The following NELL1 variants were observed in gnomAD, a reference collection of about 807,000 sequenced individuals.
The protein encoded by NELL1 is protein kinase C-binding protein NELL1.
In NELL1, 76 loss-of-function variants were observed where a neutral mutation model predicts 107.4. The ratio of observed to expected loss-of-function variants is 0.71; its 90% confidence interval spans 0.59 to 0.86. The LOEUF (loss-of-function observed/expected upper bound fraction) is 0.86. Among genes scored for constraint, NELL1 ranks in the 40% least tolerant of loss-of-function variants. NELL1 has a pLI of 0.00. For missense variants in NELL1, 1,024 were observed against 1,005.5 expected (o/e 1.02, Z -0.25); for synonymous variants, 353 against 341.2 (o/e 1.03, Z -0.38).
At position 20,847,673 on chromosome 11, in the gene NELL1, C is replaced by A. The variant is rs1848723986; in HGVS notation, c.426C>A (p.Tyr142Ter). 1 of 1,613,814 alleles carries A rather than the reference C, an allele frequency of 6.2e-7. No homozygotes were observed. The highest frequency in any genetic ancestry group is 1.1e-5 in the South Asian group (1 of 91,048). Residue 142 changes from tyrosine to a stop codon, truncating the protein, a stop_gained, in exon 4 of 20, where the codon TAC (tyrosine) becomes TAA (stop). Coordinates refer to ENST00000357134, the MANE Select transcript of NELL1 (RefSeq NM_006157.5). LOFTEE classifies it high-confidence loss of function. ...NGKPRTEALP[Y>*]RMADGQWHKV... ...AGCCAAGGACAGAGGCACTTCCTTA[C>A]CGCATGGCAGATGGACAATGGCACA... is the stretch of plus-strand genomic sequence containing the variant.
At chr11:21,305,160 A>G (rs1178111856) in intron 14 of NELL1, among the ~76,000 whole-genome samples, 1 of 152,002 alleles carries the variant, frequency 6.6e-6, no homozygotes, top group African/African-American at 2.4e-5. Flanking sequence ...TTGAGGCTTA[A>G]TTGTATTTGA....
At chr11:21,288,024 A>AAGAAAAAATAAG (rs1307012760) in intron 14 of NELL1, among the ~76,000 whole-genome samples, 3 of 151,826 alleles carry the variant, frequency 2.0e-5, no homozygotes, top group South Asian at 2.1e-4. Context: ...GAAGGAAAGA[A>AAGAAAAAATAAG]GGAAGGAAAG....
rs140675246 is a variant in NELL1 at position 21,081,003 on chromosome 11, A to G, written c.1301-32586A>G. Among the ~76,000 whole-genome samples the G allele has an allele frequency of 2.8e-3, 433 of 151,942 alleles. 1 individual carries two copies. The highest frequency in any genetic ancestry group is 9.9e-3 in the African/African-American group (409 of 41,474). The stretch of plus-strand genomic sequence containing the variant: ...AACAGGATCTTGCTCTGTCACCCAC[A>G]TCCTCCTCCCATCCATATGACCTTT... On this transcript the variant is annotated intron_variant, in intron 12 of 19. Transcript: ENST00000357134.
In NELL1 at chr11:21,570,836, G is replaced by A. The variant is rs146769656; in HGVS notation, c.2053G>A (p.Glu685Lys). ...AAGTGCTGACCTATTCTGTTGCCCA[G>A]AATGTGACACCAGAGTCACAAGTCA... Reference protein sequence around the residue: ...NPSADLFCCPECDTRVTSQCL... With the variant: ...NPSADLFCCPKCDTRVTSQCL... The change falls in exon 18 of 20, where the codon GAA (glutamate) becomes AAA (lysine). Residue 685 changes from glutamate to lysine, a missense_variant. Transcript: ENST00000357134. 1.2e-6 allele frequency: 2 copies of A among 1,612,002 alleles called. No homozygotes were observed. Among genetic ancestry groups the A allele is most frequent in the South Asian group, 2.2e-5 (2 of 91,020 alleles).
intron 14 of NELL1, among the ~76,000 whole-genome samples, chr11:21,341,659 A>G (rs1191999420): frequency 6.6e-6 from 1 of 152,214 alleles, no homozygotes; most frequent in Non-Finnish European, 1.5e-5. Context: ...CATTACATCT[A>G]TCAAAAGGCG....
At chr11:20,855,270 A>G (rs2134066737) in intron 4 of NELL1, among the ~76,000 whole-genome samples, 1 of 152,240 alleles carries the variant, frequency 6.6e-6, no homozygotes, top group South Asian at 2.1e-4. Flanking sequence ...ATTAATTGAA[A>G]TGGAAGATGA....
chr11:21,282,924 A>G (rs1849029980), intron 14 of NELL1, among the ~76,000 whole-genome samples: 2 of 152,224 alleles, frequency 1.3e-5, no homozygotes, highest in Admixed American at 6.5e-5. Context: ...AGCCAGGCAC[A>G]GAATGACAAA....
At chr11:20,679,882 T>C (rs754106470) in intron 2 of NELL1, among the ~76,000 whole-genome samples, 4 of 152,196 alleles carry the variant, frequency 2.6e-5, no homozygotes, top group Non-Finnish European at 4.4e-5. Flanking sequence ...ATGTACCTTA[T>C]AAAAAACTTA....
chr11:21,166,815 A>ACTAACTAAAT (rs1565092595), intron 13 of NELL1, among the ~76,000 whole-genome samples: 1 of 151,926 alleles, frequency 6.6e-6, no homozygotes, highest in East Asian at 1.9e-4. Flanking sequence ...ATAAAATGCT[A>ACTAACTAAAT]GTTGACCACT....
Position 21,408,284 on chromosome 11 carries a change from C to A in NELL1, c.1645+37336C>A, listed in dbSNP as rs79869137. Among the ~76,000 whole-genome samples the A allele has an allele frequency of 9.5e-3, 1,447 of 152,116 alleles. 22 individuals are homozygous for A. The highest frequency in any genetic ancestry group is 0.034 in the African/African-American group (1,393 of 41,530). On this transcript the variant is annotated intron_variant, in intron 15 of 19. Transcript: ENST00000357134. ...GGAGCTTCTAACTACTCCCACTCTT[C>A]CTACCAGATACCTTGCCTGGGACTC...
chr11:20,872,536 G>T (rs775085511), intron 4 of NELL1, among the ~76,000 whole-genome samples: 5 of 152,098 alleles, frequency 3.3e-5, no homozygotes, highest in Non-Finnish European at 5.9e-5. Flanking sequence ...TTTTTGAAAA[G>T]CTTATGAGGC....
chr11:21,014,093 G>GCA, intron 12 of NELL1, among the ~76,000 whole-genome samples: 3 of 152,052 alleles, frequency 2.0e-5, no homozygotes, highest in Non-Finnish European at 4.4e-5. Flanking sequence ...TTGGCAAATG[G>GCA]AGGCTGTTTC....
intron 16 of NELL1, among the ~76,000 whole-genome samples, chr11:21,543,689 A>T (rs1232332808): frequency 6.6e-6 from 1 of 152,024 alleles, no homozygotes; most frequent in Non-Finnish European, 1.5e-5. Context: ...ATACATAGAT[A>T]AGCCTGAAGC....
At chr11:21,281,677 C>G (rs1670649) in intron 14 of NELL1, among the ~76,000 whole-genome samples, 135,161 of 152,082 alleles carry the variant, frequency 0.89, 60,364 homozygotes, top group Non-Finnish European at 0.93. Context: ...TTGTGTCACT[C>G]CACCCCCAGA....
chr11:20,941,867 T>A (rs1157899062), intron 10 of NELL1, among the ~76,000 whole-genome samples: 1 of 151,846 alleles, frequency 6.6e-6, no homozygotes, highest in Non-Finnish European at 1.5e-5. Context: ...CAGAAGGAAG[T>A]ATGGAAGGAA....
chr11:20,785,088 C>T (rs764947040), intron 3 of NELL1, among the ~76,000 whole-genome samples: 2 of 152,118 alleles, frequency 1.3e-5, no homozygotes, highest in African/African-American at 2.4e-5. Flanking sequence ...TTACATCAAA[C>T]AGAAGGAACA....
chr11:21,566,897 G>A (rs574718704), intron 17 of NELL1, among the ~76,000 whole-genome samples: 4 of 151,930 alleles, frequency 2.6e-5, no homozygotes, highest in African/African-American at 9.6e-5. Flanking sequence ...TCTGAAACAC[G>A]TTAGAAGCTA....
At chr11:20,891,897 C>T (rs1849623906) in intron 5 of NELL1, among the ~76,000 whole-genome samples, 1 of 152,208 alleles carries the variant, frequency 6.6e-6, no homozygotes, top group African/African-American at 2.4e-5. Context: ...GAGACTTAGA[C>T]TCCCACATAA....
chr11:21,170,705 T>TTA (rs71063689), intron 13 of NELL1, among the ~76,000 whole-genome samples: 48,717 of 96,640 alleles, frequency 0.5, 8,640 homozygotes, highest in Admixed American at 0.59. Context: ...ATATACTGTA[T>TTA]TATATATATA....
Sources: allele counts gnomAD v4.1 joint callset (sites outside exome capture counted in the v4.1 genomes callset), GRCh38; gene constraint gnomAD v4.1.1; transcripts MANE v1.5; gene names NCBI Gene and HGNC (gene_info 2026-07-23, HGNC 2026-07-21).